NXPH1: variants seen among roughly 807,000 people sequenced by gnomAD.
The protein encoded by NXPH1 is neurexophilin 1, also known as neurexophilin-1.
NXPH1 carries 5 observed loss-of-function variants against 23.7 expected under a neutral mutation model. The ratio of observed to expected loss-of-function variants is 0.21; its 90% CI spans 0.11 to 0.44. The LOEUF is 0.44. NXPH1 is among the 20% of genes least tolerant of loss of function. NXPH1 has a pLI of 0.99. For synonymous variants in NXPH1, 144 were observed against 122.2 expected, an observed-to-expected ratio of 1.18 and a Z score of -1.18; for missense variants, 324 against 321.6, an observed-to-expected ratio of 1.01 and a Z score of -0.06.
At chr7:8,436,107 T>C (rs192097601) in intron 2 of NXPH1, among the ~76,000 whole-genome samples, 1 of 152,246 alleles carries the variant, frequency 6.6e-6, no homozygotes, top group Admixed American at 6.5e-5. Context: ...CAGTAGCTCA[T>C]GCACAGAGTT....
At chr7:8,631,364 C>T (rs7456267) in intron 2 of NXPH1, among the ~76,000 whole-genome samples, 1 of 151,946 alleles carries the variant, frequency 6.6e-6, no homozygotes, top group South Asian at 2.1e-4. Flanking sequence ...ACATAGGGAT[C>T]GGGAAAGATT....
intron 2 of NXPH1, among the ~76,000 whole-genome samples, chr7:8,459,455 T>G (rs1202766302): frequency 2.0e-5 from 3 of 152,340 alleles, no homozygotes; most frequent in South Asian, 2.1e-4. Flanking sequence ...AATTACAGTT[T>G]CATCAGTAGA....
At chr7:8,684,598 C>G (rs904038300) in intron 2 of NXPH1, among the ~76,000 whole-genome samples, 1 of 152,166 alleles carries the variant, frequency 6.6e-6, no homozygotes, top group African/African-American at 2.4e-5. Flanking sequence ...CAATCTGGCA[C>G]ACTTACAGAA....
Position 8,653,793 on chromosome 7 carries a change from A to G in NXPH1, c.55-97215A>G, listed in dbSNP as rs145183541. Among the ~76,000 whole-genome samples the G allele has an allele frequency of 2.0e-3, 312 of 152,306 alleles. 2 individuals carry two copies. Among genetic ancestry groups the G allele is most frequent in the African/African-American group, 6.9e-3 (287 of 41,574 alleles). On this transcript the variant is annotated intron_variant, in intron 2 of 2. Transcript: ENST00000405863. ...AGGAGAACTTTTCAGAGGAGTTTTC[A>G]TCTTATCAGAAACATGATATACCAT...
chr7:8,479,675 A>G (rs891659787), intron 2 of NXPH1, among the ~76,000 whole-genome samples: 5 of 152,172 alleles, frequency 3.3e-5, no homozygotes, highest in Non-Finnish European at 5.9e-5. Context: ...CAGGAAATGT[A>G]TAAGATGAAT....
intron 2 of NXPH1, among the ~76,000 whole-genome samples, chr7:8,512,461 C>A (rs1452036364): frequency 6.6e-6 from 1 of 151,996 alleles, no homozygotes; most frequent in Admixed American, 6.6e-5. Flanking sequence ...TAGAAGGGGA[C>A]AATACTGTGG....
chr7:8,629,109 T>C (rs141269725), intron 2 of NXPH1, among the ~76,000 whole-genome samples: 47 of 152,216 alleles, frequency 3.1e-4, no homozygotes, highest in Non-Finnish European at 4.9e-4. Flanking sequence ...TACTGTTCCA[T>C]TATGAAAATG....
At chr7:8,509,845 A>G (rs1444383014) in intron 2 of NXPH1, among the ~76,000 whole-genome samples, 1 of 152,134 alleles carries the variant, frequency 6.6e-6, no homozygotes, top group African/African-American at 2.4e-5. Flanking sequence ...AGCAATGGGA[A>G]GCTGGGCAAC....
intron 2 of NXPH1, among the ~76,000 whole-genome samples, chr7:8,642,974 C>A (rs1275439800): frequency 6.6e-6 from 1 of 152,018 alleles, no homozygotes; most frequent in Non-Finnish European, 1.5e-5. Flanking sequence ...AAGCGATTCT[C>A]CTGCTTCAGC....
At chr7:8,545,723 C>A (rs1818188640) in intron 2 of NXPH1, among the ~76,000 whole-genome samples, 1 of 151,400 alleles carries the variant, frequency 6.6e-6, no homozygotes, top group African/African-American at 2.4e-5. Flanking sequence ...TTATAAATAT[C>A]AACTGCTTAG....
At chr7:8,473,729 CTGTG>C (rs375602201) in intron 2 of NXPH1, among the ~76,000 whole-genome samples, 9 of 144,766 alleles carry the variant, frequency 6.2e-5, no homozygotes, top group African/African-American at 1.8e-4. Flanking sequence ...CATCAGAATG[CTGTG>C]TGTGTTTTTT....
chr7:8,742,300 G>T (rs186464867), intron 2 of NXPH1, among the ~76,000 whole-genome samples: 111 of 151,976 alleles, frequency 7.3e-4, no homozygotes, highest in African/African-American at 2.3e-3. Flanking sequence ...GAGGGGAGTG[G>T]GATATCTGAA....
At chr7:8,473,266 C>T (rs1038184135) in intron 2 of NXPH1, among the ~76,000 whole-genome samples, 1 of 152,126 alleles carries the variant, frequency 6.6e-6, no homozygotes, top group Non-Finnish European at 1.5e-5. Flanking sequence ...GCTTGAAAAT[C>T]ATTGACAAAA....
chr7:8,568,470 A>G (rs533878478), intron 2 of NXPH1, among the ~76,000 whole-genome samples: 5 of 151,940 alleles, frequency 3.3e-5, no homozygotes, highest in African/African-American at 1.2e-4. Context: ...TTTTGTATGT[A>G]AACTATGTTA....
Position 8,752,662 on chromosome 7 carries a change from A to G in NXPH1, c.*893A>G, listed in dbSNP as rs1293220243. 1 of 152,506 alleles carries G rather than the reference A, an allele frequency of 6.6e-6. No individual in the cohort carries two copies. The highest frequency in any genetic ancestry group is 1.5e-5 in the Non-Finnish European group (1 of 68,014). 9.4% of individuals were successfully genotyped at this position (152,506 alleles called of 1,614,324 possible). ...ATTCAATATCCTAGTCTTCATTTGTATGAATGGTTTGTATTGTACATAGTT... is the reference window on the plus strand; with the variant it reads ...ATTCAATATCCTAGTCTTCATTTGTGTGAATGGTTTGTATTGTACATAGTT... On this transcript the variant is annotated 3_prime_UTR_variant, in exon 3 of 3. Transcript: ENST00000405863.
At chr7:8,721,591 C>T (rs568889397) in intron 2 of NXPH1, among the ~76,000 whole-genome samples, 52 of 152,084 alleles carry the variant, frequency 3.4e-4, no homozygotes, top group African/African-American at 1.1e-3. Context: ...CTGGCTAACA[C>T]GGTGAAACCC....
intron 2 of NXPH1, among the ~76,000 whole-genome samples, chr7:8,494,067 C>T (rs941203270): frequency 4.6e-5 from 7 of 151,934 alleles, no homozygotes; most frequent in African/African-American, 1.4e-4. Context: ...TTTTTTCCGT[C>T]TCAGGATATT....
At chr7:8,654,235 A>G (rs1415190921) in intron 2 of NXPH1, among the ~76,000 whole-genome samples, 1 of 152,044 alleles carries the variant, frequency 6.6e-6, no homozygotes, top group Non-Finnish European at 1.5e-5. Context: ...AGATCCTTTC[A>G]AGTAAGTCAT....
rs961804445 is a variant in NXPH1, at chr7:8,433,690, G to T, written c.-1176G>T. ...GGCCCGGCAGCCACAGGTCGGAGGC[G>T]CCCGGCGTCGGCGCTCGAGGCCGGC... On this transcript the variant is annotated 5_prime_UTR_variant, in exon 1 of 3. Coordinates refer to ENST00000405863, the MANE Select transcript of NXPH1 (RefSeq NM_152745.3). This position sits in a 1 kb window ranked among gnomAD's most constrained non-coding sequence, Gnocchi z 6.8. Among the ~76,000 whole-genome samples, 9 of 152,066 alleles carry T rather than the reference G, an allele frequency of 5.9e-5. No homozygotes were observed. The highest frequency in any genetic ancestry group is 1.0e-4 in the Non-Finnish European group (7 of 67,990).
Sources: gnomAD v4.1 joint callset for allele counts (sites outside exome capture counted in the v4.1 genomes callset) on GRCh38, gnomAD v4.1.1 for gene constraint, Gnocchi (gnomAD v3.1) non-coding constraint, MANE v1.5 for transcripts, NCBI Gene and HGNC (gene_info 2026-07-23, HGNC 2026-07-21) for gene names.